The following CRYBA4 variants were observed in gnomAD, a reference collection of about 807,000 sequenced individuals.
CRYBA4 encodes the protein crystallin beta A4.
Under a neutral mutation model 31.7 loss-of-function variants are expected in CRYBA4, and 30 were observed. The observed-to-expected ratio is 0.95, with a 90% CI of 0.71 to 1.28. The LOEUF (loss-of-function observed/expected upper bound fraction) is 1.28, where lower values mean the gene tolerates loss of function less well. Among genes scored for constraint, CRYBA4 ranks in the 50% most tolerant of loss-of-function variants. CRYBA4 has a pLI of 0.00. For synonymous variants in CRYBA4, 102 were observed against 102.3 expected (o/e 1.00, Z 0.02); for missense variants, 225 against 260.7 (o/e 0.86, Z 0.94).
At chr22:26,616,382 C>T in the CRYBA4 span, 6 of 1,326,734 alleles carry the variant, frequency 4.5e-6, no homozygotes, top group Admixed American at 3.4e-5. Flanking sequence ...CCCCAAACTG[C>T]CTCCTGCCCT....
At chr22:26,627,690 C>G (rs1176799866) in intron 4 of CRYBA4, among the ~76,000 whole-genome samples, 1 of 144,286 alleles carries the variant, frequency 6.9e-6, no homozygotes, top group East Asian at 2.0e-4. Flanking sequence ...CTTTTGTTGT[C>G]CAGGCTGGAG....
chr22:26,603,138 A>AC, the CRYBA4 span, among the ~76,000 whole-genome samples: 25,726 of 148,808 alleles, frequency 0.17, 2,990 homozygotes, highest in East Asian at 0.37. Flanking sequence ...AAAAAAAAAA[A>AC]AAAAAACAAA....
the CRYBA4 span, among the ~76,000 whole-genome samples, chr22:26,605,235 A>G: frequency 3.3e-5 from 5 of 152,098 alleles, no homozygotes; most frequent in African/African-American, 7.2e-5. Context: ...TGTAACACCT[A>G]CCACAGTTTG....
chr22:26,610,974 G>A, the CRYBA4 span, among the ~76,000 whole-genome samples: 8 of 152,150 alleles, frequency 5.3e-5, 1 homozygote, highest in South Asian at 8.3e-4. Flanking sequence ...AACGAGCTGC[G>A]TGGATCTTGT....
Position 26,630,368 on chromosome 22 carries a change from C to G in CRYBA4, c.472C>G (p.Arg158Gly). 1 of 1,614,208 alleles carries G rather than the reference C, an allele frequency of 6.2e-7. No individual in the cohort carries two copies. The highest frequency in any genetic ancestry group is 1.1e-5 in the South Asian group (1 of 91,076). Residue 158 changes from arginine to glycine, a missense_variant, in exon 6 of 6, where the codon CGA becomes GGA. Transcript: ENST00000354760. ...GGTTTGCTCCCAGTTTCCGGGCTACCGAGGATTTCAGTATGTGCTGGAATG... is the reference window on the plus strand; with the variant it reads ...GGTTTGCTCCCAGTTTCCGGGCTACGGAGGATTTCAGTATGTGCTGGAATG... ...AWVCSQFPGY[R>G]GFQYVLECDH...
the CRYBA4 span, among the ~76,000 whole-genome samples, chr22:26,604,636 G>A: frequency 4.1e-4 from 63 of 152,346 alleles, no homozygotes; most frequent in Middle Eastern, 3.4e-3. Context: ...CACTGAGGCA[G>A]AGAAGGCATA....
At chr22:26,620,724 G>A (rs532063535), upstream of CRYBA4, among the ~76,000 whole-genome samples, 4 of 151,288 alleles carry the variant, frequency 2.6e-5, no homozygotes, top group East Asian at 1.9e-4. Flanking sequence ...CGCTACTCCC[G>A]GCTAATTTTT....
chr22:26,605,747 G>T, the CRYBA4 span, among the ~76,000 whole-genome samples: 1 of 139,572 alleles, frequency 7.2e-6, no homozygotes, highest in South Asian at 2.2e-4. Context: ...AGATGGTCAG[G>T]TTTATTTTTT....
the CRYBA4 span, among the ~76,000 whole-genome samples, chr22:26,609,090 C>T: frequency 2.6e-5 from 4 of 152,090 alleles, no homozygotes; most frequent in Non-Finnish European, 5.9e-5. Flanking sequence ...CTTTGCTCCC[C>T]GTGTGTTCAA....
At chr22:26,619,037 G>A (rs1380434160), upstream of CRYBA4, among the ~76,000 whole-genome samples, 1 of 152,152 alleles carries the variant, frequency 6.6e-6, no homozygotes, top group African/African-American at 2.4e-5. Context: ...TTCACCACTG[G>A]CCCCAGCACC....
Position 26,630,491 on chromosome 22 carries a change from GGGGTGCGGCACGGA to G in CRYBA4, c.*7_*20del, listed in dbSNP as rs1929894944. On this transcript the variant is annotated 3_prime_UTR_variant, in exon 6 of 6. Transcript: ENST00000354760. Reference sequence around the variant, plus strand: ...CATCCGCAGGATCCAGCAGTGAACAGGGGTGCGGCACGGAGGAGCGCATGCGTGCTTATCTGCAA... The same window carrying G: ...CATCCGCAGGATCCAGCAGTGAACAGGGAGCGCATGCGTGCTTATCTGCAA... 2 of 1,612,540 alleles carry G rather than the reference GGGGTGCGGCACGGA, an allele frequency of 1.2e-6. No individual in the cohort carries two copies. Among genetic ancestry groups the G allele is most frequent in the African/African-American group, 2.7e-5 (2 of 74,950 alleles).
the CRYBA4 span, among the ~76,000 whole-genome samples, chr22:26,609,678 G>A: frequency 6.6e-6 from 1 of 152,162 alleles, no homozygotes; most frequent in Non-Finnish European, 1.5e-5. Flanking sequence ...GTAAGTAGAT[G>A]GATGATGAAT....
At chr22:26,612,607 C>T in the CRYBA4 span, among the ~76,000 whole-genome samples, 4 of 152,358 alleles carry the variant, frequency 2.6e-5, no homozygotes, top group Admixed American at 2.6e-4. Flanking sequence ...CCTGCCTTGG[C>T]TTCCCAAAGT....
At chr22:26,627,784 G>A (rs1929798444) in intron 4 of CRYBA4, among the ~76,000 whole-genome samples, 1 of 151,990 alleles carries the variant, frequency 6.6e-6, no homozygotes, top group East Asian at 1.9e-4. Flanking sequence ...AAGTAGCTGA[G>A]ATTACAGGCA....
chr22:26,627,424 C>T (rs868841369), intron 4 of CRYBA4, among the ~76,000 whole-genome samples: 2 of 63,016 alleles, frequency 3.2e-5, no homozygotes, highest in Non-Finnish European at 5.1e-5. Context: ...TTCTTTCTTT[C>T]TTTTTCTTTC....
chr22:26,609,588 A>G, the CRYBA4 span, among the ~76,000 whole-genome samples: 1 of 152,096 alleles, frequency 6.6e-6, no homozygotes, highest in African/African-American at 2.4e-5. Context: ...GTGATGGAGA[A>G]CACATGGTGG....
At chr22:26,600,194 G>T in the CRYBA4 span, among the ~76,000 whole-genome samples, 1 of 152,156 alleles carries the variant, frequency 6.6e-6, no homozygotes, top group African/African-American at 2.4e-5. Context: ...AAGGTCAGGA[G>T]ATCGAGACCA....
At chr22:26,627,460 C>CCT in intron 4 of CRYBA4, among the ~76,000 whole-genome samples, 1 of 93,208 alleles carries the variant, frequency 1.1e-5, no homozygotes, top group African/African-American at 4.6e-5. Context: ...CTTTCTTTTT[C>CCT]TTTCTTTCTT....
At chr22:26,597,558 C>T in the CRYBA4 span, among the ~76,000 whole-genome samples, 1 of 152,204 alleles carries the variant, frequency 6.6e-6, no homozygotes, top group Non-Finnish European at 1.5e-5. Flanking sequence ...CAAGCTCCTG[C>T]TCCATCTTTC....
Sources: gnomAD v4.1 joint callset for allele counts (sites outside exome capture counted in the v4.1 genomes callset) on GRCh38, gnomAD v4.1.1 for gene constraint, MANE v1.5 for transcripts, NCBI Gene and HGNC (gene_info 2026-07-23, HGNC 2026-07-21) for gene names.